The following SLCO1A2 variants were observed in gnomAD, a reference collection of about 807,000 sequenced individuals.
The protein encoded by SLCO1A2 is solute carrier organic anion transporter family member 1A2, also known as OATP-1.
A neutral mutation model predicts 69.0 loss-of-function variants in SLCO1A2; 67 were observed. The observed-to-expected ratio is 0.97, with a 90% CI of 0.80 to 1.19. The LOEUF is 1.19. Among genes scored for constraint, SLCO1A2 ranks in the 50% most tolerant of loss-of-function variants. SLCO1A2 has a pLI of 0.00. For missense variants in SLCO1A2, 787 were observed against 793.7 expected (o/e 0.99, Z 0.10); for synonymous variants, 260 against 265.9 (o/e 0.98, Z 0.22).
intron 4 of SLCO1A2, among the ~76,000 whole-genome samples, 155 bp downstream of exon 4, chr12:21,314,394 G>A (rs1233959038): frequency 6.6e-6 from 1 of 152,152 alleles, no homozygotes; most frequent in Admixed American, 6.5e-5. Context: ...GCAGCCAAGA[G>A]CACCAAATAG....
intron 11 of SLCO1A2, among the ~76,000 whole-genome samples, chr12:21,293,566 AATATAT>A (rs550783098): frequency 9.5e-6 from 1 of 104,762 alleles, no homozygotes; most frequent in Non-Finnish European, 2.0e-5. Flanking sequence ...TACACAGAAA[AATATAT>A]ATATATGTGT....
chr12:21,334,738 A>G, intron 1 of SLCO1A2, 29 bp from the exon 2 acceptor site: 1 of 982,260 alleles, frequency 1.0e-6, no homozygotes, highest in Non-Finnish European at 1.5e-6. Flanking sequence ...AATATGTTAA[A>G]TTAACTACAA....
At chr12:21,346,258 C>T (rs993721388) in intron 2 of SLCO1A2, among the ~76,000 whole-genome samples, 2 of 152,094 alleles carry the variant, frequency 1.3e-5, no homozygotes, top group South Asian at 2.1e-4. Context: ...AAACAATATT[C>T]TTGGTAAACT....
intron 2 of SLCO1A2, among the ~76,000 whole-genome samples, chr12:21,321,166 C>T (rs1951567588): frequency 6.6e-6 from 1 of 152,182 alleles, no homozygotes; most frequent in Admixed American, 6.5e-5. Flanking sequence ...TCTCTCTTTT[C>T]TTCCTGAAAT....
chr12:21,394,289 T>C (rs1428905251), intron 1 of SLCO1A2, among the ~76,000 whole-genome samples: 1 of 152,152 alleles, frequency 6.6e-6, no homozygotes, highest in Non-Finnish European at 1.5e-5. Context: ...CCCAGCACTT[T>C]GGTAGGCCAA....
intron 1 of SLCO1A2, among the ~76,000 whole-genome samples, chr12:21,385,009 T>C (rs1236964668): frequency 6.6e-6 from 1 of 152,070 alleles, no homozygotes; most frequent in Admixed American, 6.6e-5. Flanking sequence ...TCGTCATCCG[T>C]CCGTCTCGGC....
chr12:21,328,846 G>A (rs566763575), intron 2 of SLCO1A2, among the ~76,000 whole-genome samples: 2 of 152,130 alleles, frequency 1.3e-5, no homozygotes, highest in African/African-American at 2.4e-5. Context: ...GAGGTTACAG[G>A]GCACTGAACT....
intron 12 of SLCO1A2, among the ~76,000 whole-genome samples, chr12:21,291,915 C>T (rs1946918887): frequency 6.6e-6 from 1 of 152,002 alleles, no homozygotes; most frequent in Non-Finnish European, 1.5e-5. Flanking sequence ...AATGAGAGGT[C>T]CACTCATTTA....
intron 12 of SLCO1A2, among the ~76,000 whole-genome samples, chr12:21,288,270 T>A (rs547398641): frequency 6.6e-6 from 1 of 152,090 alleles, no homozygotes; most frequent in East Asian, 1.9e-4. Context: ...AATAAAACAC[T>A]GTTTCTACTA....
At chr12:21,328,973 G>T (rs887955008) in intron 2 of SLCO1A2, among the ~76,000 whole-genome samples, 1 of 152,164 alleles carries the variant, frequency 6.6e-6, no homozygotes, top group East Asian at 1.9e-4. Context: ...ATTTTATAGG[G>T]ATGGTTGGGA....
chr12:21,410,946 T>C (rs1462116012), intron 1 of SLCO1A2, among the ~76,000 whole-genome samples: 1 of 152,334 alleles, frequency 6.6e-6, no homozygotes, highest in East Asian at 1.9e-4. Flanking sequence ...CCTCTTTTTA[T>C]TAACGAGTAA....
In SLCO1A2 at chr12:21,402,500, T is replaced by G. The variant is rs73065862; in HGVS notation, c.-312+15382A>C. Among the ~76,000 whole-genome samples the G allele has an allele frequency of 3.3e-5, 5 of 152,014 alleles. No individual in the cohort carries two copies. In the East Asian group the frequency reaches 9.6e-4, roughly 29 times the overall value. ...ATTTTTGCATACAGTTAATTAAAAA[T>G]TTTTTGAAAGATTTATCACATACAA... On this transcript the variant is annotated intron_variant, in intron 1 of 4. Transcript: ENST00000413682.
At chr12:21,299,767 TGTGTATATATATATATATATATACAC>T (rs1948320860) in intron 8 of SLCO1A2, among the ~76,000 whole-genome samples, 3 of 122,182 alleles carry the variant, frequency 2.5e-5, no homozygotes, top group Admixed American at 1.6e-4. Context: ...TATATATACG[TGTGTATATATATATATATATATACAC>T]ACACACGTAT....
At chr12:21,376,380 T>C in intron 1 of SLCO1A2, 1 of 339,370 alleles carries the variant, frequency 2.9e-6, no homozygotes, top group East Asian at 9.3e-5. Context: ...TATTTTAGAA[T>C]TCAATGCAAA....
chr12:21,287,869 G>C lies in SLCO1A2; in HGVS notation c.1610+4295C>G, dbSNP rs12369723. On this transcript the variant is annotated intron_variant, in intron 12 of 14. Coordinates refer to ENST00000683939, the MANE Select transcript of SLCO1A2 (RefSeq NM_001386879.1). Reference sequence around the variant, plus strand: ...CACTCTGGGGACTGTGGTGGGGTGGGGGGAGGGGGGAGGGATAGCATTGGG... The same window carrying C: ...CACTCTGGGGACTGTGGTGGGGTGGCGGGAGGGGGGAGGGATAGCATTGGG... Among the ~76,000 whole-genome samples the C allele has an allele frequency of 1.1e-3, 100 of 92,508 alleles. 2 individuals are homozygous for C. Among genetic ancestry groups the C allele is most frequent in the South Asian group, 3.1e-3 (6 of 1,930 alleles). 60.7% of individuals were successfully genotyped at this position (92,508 alleles called of 152,430 possible). A position where few individuals can be genotyped will look rare whatever the true frequency, so the allele number is the denominator to read the frequency against.
intron 1 of SLCO1A2, among the ~76,000 whole-genome samples, chr12:21,380,895 C>A (rs1940546333): frequency 6.6e-6 from 1 of 150,540 alleles, no homozygotes; most frequent in South Asian, 2.1e-4. Context: ...TGCCCCAGCC[C>A]CCGACCAAGA....
chr12:21,367,883 C>T (rs551506559), intron 2 of SLCO1A2, among the ~76,000 whole-genome samples: 2 of 152,022 alleles, frequency 1.3e-5, no homozygotes, highest in Non-Finnish European at 2.9e-5. Flanking sequence ...ATATATCTTG[C>T]CTTTCATTTA....
At chr12:21,350,184 C>A (rs1439429499) in intron 2 of SLCO1A2, among the ~76,000 whole-genome samples, 3 of 151,768 alleles carry the variant, frequency 2.0e-5, no homozygotes, top group African/African-American at 7.3e-5. Context: ...AGCATAAAAT[C>A]TTTAAAAATG....
In SLCO1A2 at chr12:21,265,882, A is replaced by G. The variant is rs748760703; in HGVS notation, c.*3666T>C. 17 of 152,234 alleles carry G rather than the reference A, an allele frequency of 1.1e-4. No homozygotes were observed. Among genetic ancestry groups the G allele is most frequent in the Middle Eastern group, 3.4e-3 (1 of 294 alleles). The allele number at this position is 152,234 out of a possible 1,614,324, so 9.4% of individuals were successfully genotyped here. A position where few individuals can be genotyped will look rare whatever the true frequency, so the allele number is the denominator to read the frequency against. ...AATAAGAACCATTCTGTCAATTTCT[A>G]TATTTTCTTATATAGAAATCATACT... is the stretch of plus-strand genomic sequence containing the variant. On this transcript the variant is annotated 3_prime_UTR_variant, in exon 15 of 15. Coordinates refer to ENST00000683939, the MANE Select transcript of SLCO1A2 (RefSeq NM_001386879.1).
Sources: gnomAD v4.1 joint callset for allele counts (sites outside exome capture counted in the v4.1 genomes callset) on GRCh38, gnomAD v4.1.1 for gene constraint, MANE v1.5 for transcripts, NCBI Gene and HGNC (gene_info 2026-07-23, HGNC 2026-07-21) for gene names.